AMD1: variants seen among roughly 807,000 people sequenced by gnomAD.
AMD1 encodes S-adenosylmethionine decarboxylase proenzyme.
AMD1 carries 11 observed loss-of-function variants against 40.2 expected under a neutral mutation model. That is an observed-to-expected ratio of 0.27 (90% CI 0.17 to 0.45). The LOEUF (loss-of-function observed/expected upper bound fraction) is 0.45, where lower values mean the gene tolerates loss of function less well. Among genes scored for constraint, AMD1 ranks in the 20% least tolerant of loss-of-function variants. The pLI, the probability that AMD1 is intolerant of heterozygous loss-of-function variation, is 1.00. For synonymous variants in AMD1, 121 were observed against 130.8 expected (o/e 0.93, Z 0.51); for missense variants, 257 against 410.2 (o/e 0.63, Z 3.23).
At position 110,875,076 on chromosome 6, in the gene AMD1, GGTT is replaced by G. The variant is rs1403761307; in HGVS notation, c.-25_-23del. 1.3e-6 allele frequency: 2 copies of G among 1,560,872 alleles called. No homozygotes were observed. The highest frequency in any genetic ancestry group is 1.8e-6 in the Non-Finnish European group (2 of 1,138,234). On this transcript the variant is annotated 5_prime_UTR_variant, in exon 1 of 9. Transcript: ENST00000368885. ...AGGTTTAATTTAGTTGATTTTCTGT[GGTT>G]GTTGGTTGTTCGCTAGTCTCACGGT...
At chr6:110,829,250 G>A in the AMD1 span, among the ~76,000 whole-genome samples, 1 of 151,784 alleles carries the variant, frequency 6.6e-6, no homozygotes, top group African/African-American at 2.4e-5. Flanking sequence ...ATGAATTTTC[G>A]GCTGAGTGCA....
At chr6:110,830,336 C>T in the AMD1 span, among the ~76,000 whole-genome samples, 6 of 151,918 alleles carry the variant, frequency 3.9e-5, no homozygotes, top group Non-Finnish European at 5.9e-5. Flanking sequence ...TTGTTTGTTT[C>T]GAGACAGGAT....
intron 1 of AMD1, among the ~76,000 whole-genome samples, chr6:110,884,246 C>G (rs1372105460): frequency 6.6e-6 from 1 of 152,220 alleles, no homozygotes; most frequent in African/African-American, 2.4e-5. Context: ...ACCAGATTGT[C>G]TGCTGAAAGT....
chr6:110,831,712 C>T, the AMD1 span, among the ~76,000 whole-genome samples: 2 of 152,188 alleles, frequency 1.3e-5, no homozygotes, highest in South Asian at 2.1e-4. Context: ...TAGCATTTCT[C>T]GTCTTACAAC....
At chr6:110,826,271 CAAAAAAA>C in the AMD1 span, among the ~76,000 whole-genome samples, 34 of 59,362 alleles carry the variant, frequency 5.7e-4, no homozygotes, top group Admixed American at 5.5e-3. Context: ...GACACCATCC[CAAAAAAA>C]AAAAAAAAAA....
chr6:110,850,822 C>T, the AMD1 span, among the ~76,000 whole-genome samples: 3 of 151,942 alleles, frequency 2.0e-5, no homozygotes, highest in Non-Finnish European at 2.9e-5. Context: ...GAGGACTGAG[C>T]GTGGTGATTA....
the AMD1 span, among the ~76,000 whole-genome samples, chr6:110,852,371 G>A: frequency 3.3e-5 from 5 of 151,704 alleles, no homozygotes; most frequent in African/African-American, 1.2e-4. Flanking sequence ...ACAGGCACAC[G>A]CCACCAAGTC....
chr6:110,891,096 T>C (rs1211852086), intron 4 of AMD1: 1 of 152,190 alleles, frequency 6.6e-6, no homozygotes. Flanking sequence ...CACTCAGTGG[T>C]TCTTTTTGCG....
At chr6:110,869,637 G>A in the AMD1 span, among the ~76,000 whole-genome samples, 1 of 150,548 alleles carries the variant, frequency 6.6e-6, no homozygotes, top group East Asian at 2.0e-4. Context: ...AGCCTCCCGA[G>A]AAGCTGGGAT....
chr6:110,835,788 C>T, the AMD1 span, among the ~76,000 whole-genome samples: 3 of 151,818 alleles, frequency 2.0e-5, no homozygotes, highest in African/African-American at 7.3e-5. Flanking sequence ...TCGCTTGAAC[C>T]CAGGAGGCAG....
Position 110,892,846 on chromosome 6 carries a change from C to A in AMD1, c.708+19C>A. The A allele has an allele frequency of 6.2e-7, 1 of 1,613,438 alleles. No individual in the cohort carries two copies. Among genetic ancestry groups the A allele is most frequent in the South Asian group, 1.1e-5 (1 of 90,880 alleles). On this transcript the variant is annotated intron_variant, in intron 7 of 8. Coordinates refer to ENST00000368885, the MANE Select transcript of AMD1 (RefSeq NM_001634.6). ...ATCGGATGTGAGTAGTTATATATTG[C>A]TTCAATAATTATTTAAATGTGAATA...
the AMD1 span, among the ~76,000 whole-genome samples, chr6:110,826,875 A>G: frequency 6.6e-6 from 1 of 151,694 alleles, no homozygotes; most frequent in East Asian, 1.9e-4. Flanking sequence ...TATTCTTAGT[A>G]GCGACAGGGT....
chr6:110,882,930 G>C (rs1399688341), intron 1 of AMD1, among the ~76,000 whole-genome samples: 1 of 152,098 alleles, frequency 6.6e-6, no homozygotes, highest in Non-Finnish European at 1.5e-5. Flanking sequence ...ACCAACCTGG[G>C]CAACATAGGG....
Position 110,892,305 on chromosome 6 carries a change from A to T in AMD1, c.477A>T (p.Leu159Phe). Reference protein sequence around the residue: ...MGRMNSDCWYLYTLDFPESRV... With the variant: ...MGRMNSDCWYFYTLDFPESRV... ...ATTTTTAATTTTTATTTAGGTACTTATATACTCTGGATTTCCCAGAGAGTC... is the reference window on the plus strand; with the variant it reads ...ATTTTTAATTTTTATTTAGGTACTTTTATACTCTGGATTTCCCAGAGAGTC... Residue 159 changes from leucine to phenylalanine, a missense_variant, in exon 6 of 9, where the codon TTA (leucine) becomes TTT (phenylalanine). Leu to Phe is a conservative substitution (Grantham distance 22). This residue lies in a region of AMD1 where 192 missense variants were observed against 296.5 expected (regional missense o/e 0.65). Coordinates refer to ENST00000368885, the MANE Select transcript of AMD1 (RefSeq NM_001634.6). The T allele has an allele frequency of 6.2e-7, 1 of 1,613,914 alleles. No individual in the cohort carries two copies. Among genetic ancestry groups the T allele is most frequent in the Non-Finnish European group, 8.5e-7 (1 of 1,180,010 alleles).
the AMD1 span, among the ~76,000 whole-genome samples, chr6:110,828,903 G>T: frequency 1.3e-5 from 2 of 152,188 alleles, no homozygotes; most frequent in African/African-American, 2.4e-5. Flanking sequence ...TGGGCGCGGT[G>T]GTTCACGCCT....
chr6:110,833,248 A>G, the AMD1 span, among the ~76,000 whole-genome samples: 1 of 152,224 alleles, frequency 6.6e-6, no homozygotes, highest in Admixed American at 6.6e-5. Flanking sequence ...TAATTTGTGA[A>G]ATAAAAGAAT....
intron 1 of AMD1, among the ~76,000 whole-genome samples, chr6:110,877,748 G>C (rs905253953): frequency 4.6e-5 from 7 of 152,214 alleles, no homozygotes; most frequent in Non-Finnish European, 1.5e-5. Flanking sequence ...TCCCTCTATA[G>C]CCCAGGCTGG....
At chr6:110,865,926 C>A in the AMD1 span, among the ~76,000 whole-genome samples, 2 of 151,066 alleles carry the variant, frequency 1.3e-5, no homozygotes, top group Admixed American at 1.3e-4. Flanking sequence ...CCATGCCCAG[C>A]TAATTTTTGA....
At chr6:110,875,858 C>T (rs1785077021) in intron 1 of AMD1, among the ~76,000 whole-genome samples, 1 of 152,104 alleles carries the variant, frequency 6.6e-6, no homozygotes, top group Non-Finnish European at 1.5e-5. Flanking sequence ...CCCACCGCTC[C>T]CCTAACATGC....
Sources: allele counts gnomAD v4.1 joint callset (sites outside exome capture counted in the v4.1 genomes callset), GRCh38; gene constraint gnomAD v4.1.1; regional missense constraint gnomAD v4.1.1; transcripts MANE v1.5; gene names NCBI Gene and HGNC (gene_info 2026-07-23, HGNC 2026-07-21).